SLC17A1: variants seen among roughly 807,000 people sequenced by gnomAD.
The protein encoded by SLC17A1 is sodium-dependent phosphate transport protein 1.
SLC17A1 carries 51 observed loss-of-function variants against 53.5 expected under a neutral mutation model. The ratio of observed to expected loss-of-function variants is 0.95; its 90% CI spans 0.76 to 1.20. The LOEUF (loss-of-function observed/expected upper bound fraction) is 1.20. Among genes scored for constraint, SLC17A1 ranks in the 50% most tolerant of loss-of-function variants. The pLI, the probability that SLC17A1 is intolerant of heterozygous loss-of-function variation, is 0.00. For synonymous variants in SLC17A1, 179 were observed against 198.8 expected (o/e 0.90, Z 0.84); for missense variants, 538 against 568.2 (o/e 0.95, Z 0.54).
intron 6 of SLC17A1, among the ~76,000 whole-genome samples, chr6:25,815,702 G>C (rs1764326877): frequency 6.6e-6 from 1 of 152,020 alleles, no homozygotes; most frequent in African/African-American, 2.4e-5. Flanking sequence ...TCATCTCTAG[G>C]GCGTGGCCTC....
chr6:25,731,626 G>A, the SLC17A1 span, among the ~76,000 whole-genome samples: 1 of 152,176 alleles, frequency 6.6e-6, no homozygotes, highest in South Asian at 2.1e-4. Context: ...TAGACTTAAA[G>A]ATAACCATGT....
At chr6:25,732,095 G>T in the SLC17A1 span, 1 of 934,886 alleles carries the variant, frequency 1.1e-6, no homozygotes, top group Non-Finnish European at 1.5e-6. Context: ...CCTCCTTCGA[G>T]TTTTAGCAAC....
the SLC17A1 span, among the ~76,000 whole-genome samples, chr6:25,754,280 C>CA: frequency 6.6e-6 from 1 of 151,978 alleles, no homozygotes; most frequent in African/African-American, 2.4e-5. Flanking sequence ...GGCCTTTGTG[C>CA]AAAAAATTAC....
chr6:25,784,173 A>G (rs757821929), intron 12 of SLC17A1, among the ~76,000 whole-genome samples: 6 of 152,200 alleles, frequency 3.9e-5, no homozygotes, highest in Non-Finnish European at 8.8e-5. Context: ...AGCTGCTTAC[A>G]TTGCCTAATA....
At chr6:25,788,005 A>T (rs1429207151) in intron 12 of SLC17A1, among the ~76,000 whole-genome samples, 1 of 152,138 alleles carries the variant, frequency 6.6e-6, no homozygotes, top group Non-Finnish European at 1.5e-5. Context: ...TGAGTGCATT[A>T]GTTTGTTACT....
At chr6:25,744,937 C>T in the SLC17A1 span, among the ~76,000 whole-genome samples, 1 of 152,170 alleles carries the variant, frequency 6.6e-6, no homozygotes, top group African/African-American at 2.4e-5. Flanking sequence ...TCCAATTCAG[C>T]AAGTAGTTGC....
the SLC17A1 span, among the ~76,000 whole-genome samples, chr6:25,755,481 G>A: frequency 6.6e-6 from 1 of 152,118 alleles, no homozygotes; most frequent in South Asian, 2.1e-4. Flanking sequence ...AGCACCTTAA[G>A]GAAAAGTCTC....
the SLC17A1 span, among the ~76,000 whole-genome samples, chr6:25,724,296 G>A: frequency 2.6e-5 from 4 of 152,134 alleles, no homozygotes; most frequent in Admixed American, 6.5e-5. Flanking sequence ...TGGGGCAGGC[G>A]CCCGTAATCC....
chr6:25,778,012 G>T (rs141773129), downstream of SLC17A1: 94 of 1,596,182 alleles, frequency 5.9e-5, no homozygotes, highest in African/African-American at 9.2e-4. Context: ...TTTTTCATCA[G>T]TCAGGTGAGG....
At chr6:25,726,835 A>G in the SLC17A1 span, 1 of 1,502,954 alleles carries the variant, frequency 6.7e-7, no homozygotes, top group Non-Finnish European at 8.9e-7. Flanking sequence ...AATACTGAAG[A>G]GCTGTTGAGC....
the SLC17A1 span, chr6:25,731,879 G>A: frequency 3.7e-6 from 6 of 1,603,082 alleles, no homozygotes; most frequent in African/African-American, 6.7e-5. Flanking sequence ...CGGCCGTCTG[G>A]ATCTCCCTGG....
the SLC17A1 span, among the ~76,000 whole-genome samples, chr6:25,725,567 C>T: frequency 1.3e-5 from 2 of 152,162 alleles, no homozygotes; most frequent in South Asian, 2.1e-4. Flanking sequence ...GCAATTTTCA[C>T]TTCCATGTGT....
chr6:25,784,681 A>G (rs973598853), intron 12 of SLC17A1, among the ~76,000 whole-genome samples: 1 of 152,082 alleles, frequency 6.6e-6, no homozygotes, highest in Non-Finnish European at 1.5e-5. Context: ...AAACATCCAA[A>G]CCATACCTTA....
intron 5 of SLC17A1, 128 bp downstream of exon 5, chr6:25,819,383 G>T: frequency 1.2e-6 from 1 of 806,478 alleles, no homozygotes; most frequent in East Asian, 2.5e-5. Flanking sequence ...TTCATAGCAA[G>T]AATGCTGAAA....
chr6:25,787,369 G>A (rs540841912), intron 12 of SLC17A1, among the ~76,000 whole-genome samples: 207 of 151,484 alleles, frequency 1.4e-3, no homozygotes, highest in African/African-American at 4.8e-3. Flanking sequence ...GAAATAATAA[G>A]CAAGGTAGGC....
intron 10 of SLC17A1, among the ~76,000 whole-genome samples, chr6:25,802,313 T>C (rs924432995): frequency 4.6e-5 from 7 of 152,194 alleles, no homozygotes; most frequent in African/African-American, 1.7e-4. Context: ...AGAAATATGA[T>C]TATTAAATTA....
chr6:25,810,019 A>G (rs540224696), intron 10 of SLC17A1, among the ~76,000 whole-genome samples: 1 of 152,082 alleles, frequency 6.6e-6, no homozygotes, highest in Non-Finnish European at 1.5e-5. Flanking sequence ...TGAGGGAAGG[A>G]TGGTGTCTTC....
At chr6:25,760,081 T>C in the SLC17A1 span, among the ~76,000 whole-genome samples, 1 of 152,204 alleles carries the variant, frequency 6.6e-6, no homozygotes, top group Non-Finnish European at 1.5e-5. Flanking sequence ...ATAGCTCATT[T>C]CCCCACATTT....
At chr6:25,770,622 A>C in the SLC17A1 span, 1 of 699,512 alleles carries the variant, frequency 1.4e-6, no homozygotes. Context: ...CTTGATTGTA[A>C]CTGAATAAAC....
Sources: allele counts gnomAD v4.1 joint callset (sites outside exome capture counted in the v4.1 genomes callset), GRCh38; gene constraint gnomAD v4.1.1; transcripts MANE v1.5; gene names NCBI Gene and HGNC (gene_info 2026-07-23, HGNC 2026-07-21).